Variants in VCAN observed in about 807,000 individuals in gnomAD.
The protein encoded by VCAN is versican core protein.
A neutral mutation model predicts 245.5 loss-of-function variants in VCAN; 44 were observed. The observed-to-expected ratio is 0.18, with a 90% CI of 0.14 to 0.23. The LOEUF is 0.23. Among genes scored for constraint, VCAN ranks in the 10% least tolerant of loss-of-function variants. The pLI is 1.00. For missense variants in VCAN, 3,793 were observed against 4,057.9 expected (o/e 0.93, Z 1.77); for synonymous variants, 1,413 against 1,437.0 (o/e 0.98, Z 0.38).
intron 5 of VCAN, among the ~76,000 whole-genome samples, chr5:83,506,281 C>T (rs1745481533): frequency 6.6e-6 from 1 of 152,148 alleles, no homozygotes; most frequent in Non-Finnish European, 1.5e-5. Flanking sequence ...GCTCTGCTTC[C>T]CTTATAAAAC....
intron 6 of VCAN, among the ~76,000 whole-genome samples, chr5:83,514,546 G>A (rs1459651128): frequency 1.3e-5 from 2 of 151,530 alleles, no homozygotes; most frequent in Non-Finnish European, 2.9e-5. Flanking sequence ...CACCTTCCAG[G>A]TTCAAGTGAT....
intron 12 of VCAN, among the ~76,000 whole-genome samples, chr5:83,564,594 A>G (rs559573357): frequency 2.1e-4 from 32 of 152,310 alleles, no homozygotes; most frequent in Non-Finnish European, 4.3e-4. Flanking sequence ...TTCACTTTAT[A>G]CACAATAGTA....
intron 6 of VCAN, 91 bp downstream of exon 6, chr5:83,512,487 C>A: frequency 6.9e-7 from 1 of 1,455,984 alleles, no homozygotes; most frequent in Non-Finnish European, 9.4e-7. Flanking sequence ...GGAGTGGATT[C>A]CATGTCTTGC....
At chr5:83,489,078 A>G (rs1435580411) in intron 2 of VCAN, among the ~76,000 whole-genome samples, 2 of 150,826 alleles carry the variant, frequency 1.3e-5, no homozygotes, top group Non-Finnish European at 2.9e-5. Context: ...TGTGTTTCCA[A>G]TATGTTTGAC....
intron 10 of VCAN, among the ~76,000 whole-genome samples, chr5:83,552,690 G>A (rs1747514696): frequency 6.6e-6 from 1 of 152,068 alleles, no homozygotes; most frequent in South Asian, 2.1e-4. Context: ...TGGTGGAATG[G>A]GGGGGTGAGT....
Position 83,538,132 on chromosome 5 carries a change from A to G in VCAN, c.5129A>G (p.Asp1710Gly), listed in dbSNP as rs1746799794. 1 of 1,613,912 alleles carries G rather than the reference A, an allele frequency of 6.2e-7. No individual in the cohort carries two copies. Among genetic ancestry groups the G allele is most frequent in the South Asian group, 1.1e-5 (1 of 91,094 alleles). The part of the protein sequence containing the change: ...VVPTKFVSET[D>G]TSEWISSTTV... ...CCTACCAAGTTTGTAAGTGAAACAG[A>G]CACTTCTGAGTGGATTTCCAGTACC... The change falls in exon 8 of 15, where the codon GAC becomes GGC. Residue 1710 changes from aspartate (D) to glycine (G), a missense_variant. Transcript: ENST00000265077.
At position 83,520,788 on chromosome 5, in the gene VCAN, C is replaced by T. The variant is rs1746058267; in HGVS notation, c.2482C>T (p.Pro828Ser). 6 of 1,613,972 alleles carry T rather than the reference C, an allele frequency of 3.7e-6. No homozygotes were observed. In the East Asian group the frequency reaches 1.1e-4, roughly 30 times the overall value. ...TEPSASSKLP[P>S]ALLTTVGMNG... ...ACCTTCAGCCTCTTCAAAATTGCCC[C>T]CTGCCTTACTCACAACTGTGGGGAT... Residue 828 changes from proline (P) to serine (S), a missense_variant, in exon 7 of 15, where the codon CCT becomes TCT. Transcript: ENST00000265077.
intron 12 of VCAN, among the ~76,000 whole-genome samples, chr5:83,558,210 C>T (rs1294931492): frequency 2.0e-5 from 3 of 152,158 alleles, no homozygotes; most frequent in Non-Finnish European, 4.4e-5. Context: ...TTAACGGGTT[C>T]CATATGTGTG....
chr5:83,537,986 G>T lies in VCAN; in HGVS notation c.4983G>T (p.Gln1661His), dbSNP rs746163980. The change falls in exon 8 of 15, where the codon CAG (glutamine) becomes CAT (histidine). Residue 1661 changes from glutamine to histidine, a missense_variant. Physicochemically the swap from Gln to His is conservative, Grantham distance 24. Around this residue, in one of 5 missense-constraint regions of VCAN, gnomAD observed 3,182 missense variants for 3,250.3 expected, o/e 0.98. Coordinates refer to ENST00000265077, the MANE Select transcript of VCAN (RefSeq NM_004385.5). The stretch of plus-strand genomic sequence containing the variant: ...TCACCATGGTAACTGATTTATCACA[G>T]AGAAATACTACTGATACACTCATTA... The part of the protein sequence containing the change: ...TMFTMVTDLS[Q>H]RNTTDTLITL... The T allele has an allele frequency of 5.6e-6, 9 of 1,613,846 alleles. No individual in the cohort carries two copies. In the East Asian group the frequency reaches 1.6e-4, roughly 28 times the overall value.
rs1235216166 is a variant in VCAN, at chr5:83,581,819, A to G, written c.*1385A>G. ...CTGCTGAAGATGACTTTGAATCCTT[A>G]TCCACTTAATTTAATGTTTAAAGAA... On this transcript the variant is annotated 3_prime_UTR_variant, in exon 15 of 15. Transcript: ENST00000265077. The G allele has an allele frequency of 6.6e-6, 1 of 152,176 alleles. No individual in the cohort carries two copies. Among genetic ancestry groups the G allele is most frequent in the Non-Finnish European group, 1.5e-5 (1 of 68,030 alleles). The allele number at this position is 152,176 out of a possible 1,614,324, so 9.4% of individuals were successfully genotyped here.
At position 83,580,527 on chromosome 5, in the gene VCAN, G is replaced by A. The variant is rs560274180; in HGVS notation, c.*93G>A. On this transcript the variant is annotated 3_prime_UTR_variant, in exon 15 of 15. Transcript: ENST00000265077. Reference sequence around the variant, plus strand: ...TCACCTCGAGAAGTAATTATCAGTTGGTTTGGATTTTTGGACCACCGTTCA... The same window carrying A: ...TCACCTCGAGAAGTAATTATCAGTTAGTTTGGATTTTTGGACCACCGTTCA... 157 of 1,569,628 alleles carry A rather than the reference G, an allele frequency of 1.0e-4. No individual in the cohort carries two copies. The highest frequency in any genetic ancestry group is 1.2e-4 in the Non-Finnish European group (143 of 1,155,190).
At chr5:83,525,205 A>G (rs1395016342) in intron 7 of VCAN, among the ~76,000 whole-genome samples, 2 of 152,064 alleles carry the variant, frequency 1.3e-5, no homozygotes, top group African/African-American at 4.8e-5. Context: ...TTTTCAGCTC[A>G]TAAAAGTTTT....
rs192078390 is a variant in VCAN, at chr5:83,521,209, A to T, written c.2903A>T (p.Asp968Val). 1 of 1,613,458 alleles carries T rather than the reference A, an allele frequency of 6.2e-7. No individual in the cohort carries two copies. Among genetic ancestry groups the T allele is most frequent in the South Asian group, 1.1e-5 (1 of 91,056 alleles). Residue 968 changes from aspartate (D) to valine (V), a missense_variant, in exon 7 of 15, where the codon GAC becomes GTC. This residue lies in a region of VCAN where 3,182 missense variants were observed against 3,250.3 expected (regional missense o/e 0.98). Coordinates refer to ENST00000265077, the MANE Select transcript of VCAN (RefSeq NM_004385.5). ...SSTQEPTTYVDSSHTIPLSVI... is the reference protein window; with the variant it reads ...SSTQEPTTYVVSSHTIPLSVI... ...ACCCAAGAGCCTACTACTTATGTAG[A>T]CTCTTCCCATACCATTCCTCTTTCT... is the stretch of plus-strand genomic sequence containing the variant.
At chr5:83,487,128 C>G (rs754305403) in intron 2 of VCAN, among the ~76,000 whole-genome samples, 15 of 152,052 alleles carry the variant, frequency 9.9e-5, no homozygotes, top group Non-Finnish European at 1.5e-4. Context: ...TGATGTTCCC[C>G]TTATAGTAGG....
At chr5:83,525,770 T>C (rs944145481) in intron 7 of VCAN, among the ~76,000 whole-genome samples, 2 of 152,164 alleles carry the variant, frequency 1.3e-5, no homozygotes, top group African/African-American at 2.4e-5. Context: ...TTGGTAAAAT[T>C]ATTAATGTAA....
At chr5:83,510,251 C>A (rs1050972772) in intron 5 of VCAN, among the ~76,000 whole-genome samples, 2 of 152,186 alleles carry the variant, frequency 1.3e-5, no homozygotes, top group African/African-American at 4.8e-5. Context: ...GGCCTACTTT[C>A]CTCAATAGCA....
intron 9 of VCAN, among the ~76,000 whole-genome samples, chr5:83,546,584 C>T (rs1423046867): frequency 7.7e-6 from 1 of 130,308 alleles, no homozygotes; most frequent in Admixed American, 8.1e-5. Context: ...GGCAGAACCT[C>T]ACCTCTGCAA....
rs1746845608 is a variant in VCAN, at chr5:83,538,983, G to A, written c.5980G>A (p.Val1994Ile). The stretch of plus-strand genomic sequence containing the variant: ...CTCAGAAGGACCCAGTAGCACCATG[G>A]TCAGCACTTCAGCCTTCCCCTGGGA... ...SDSEGPSSTM[V>I]STSAFPWEEF... is the part of the protein sequence containing the mutation. Residue 1994 changes from valine to isoleucine, a missense_variant, in exon 8 of 15, where the codon GTC (valine) becomes ATC (isoleucine). Coordinates refer to ENST00000265077, the MANE Select transcript of VCAN (RefSeq NM_004385.5). The A allele has an allele frequency of 9.9e-6, 16 of 1,613,864 alleles. No homozygotes were observed. Among genetic ancestry groups the A allele is most frequent in the African/African-American group, 4.0e-5 (3 of 74,888 alleles).
At chr5:83,549,709 A>C (rs1747386993) in intron 10 of VCAN, among the ~76,000 whole-genome samples, 1 of 152,168 alleles carries the variant, frequency 6.6e-6, no homozygotes, top group Admixed American at 6.5e-5. Context: ...GTGCCACCTG[A>C]CTTTCAGGTA....
Sources: gnomAD v4.1 joint callset for allele counts (sites outside exome capture counted in the v4.1 genomes callset) on GRCh38, gnomAD v4.1.1 for gene constraint, gnomAD v4.1.1 regional missense constraint, MANE v1.5 for transcripts, NCBI Gene and HGNC (gene_info 2026-07-23, HGNC 2026-07-21) for gene names.